TADA2A: variants seen among roughly 807,000 people sequenced by gnomAD.
The protein encoded by TADA2A is transcriptional adapter 2-alpha.
A neutral mutation model predicts 67.4 loss-of-function variants in TADA2A; 38 were observed. That is an observed-to-expected ratio of 0.56 (90% CI 0.44 to 0.74). TADA2A has a LOEUF of 0.74. Ranked by LOEUF, TADA2A falls within the 30% of genes least tolerant of loss-of-function variation. The pLI is 0.00. For missense variants in TADA2A, 454 were observed against 547.0 expected (o/e 0.83, Z 1.70); for synonymous variants, 192 against 181.6 (o/e 1.06, Z -0.46).
In TADA2A at chr17:37,437,696, C is replaced by T. The variant is rs771184228; in HGVS notation, c.193-42C>T. The T allele has an allele frequency of 1.9e-6, 3 of 1,584,260 alleles. No homozygotes were observed. In the Admixed American group the frequency reaches 5.0e-5, roughly 27 times the overall value. On this transcript the variant is annotated intron_variant, in intron 4 of 15. Transcript: ENST00000615182. The stretch of plus-strand genomic sequence containing the variant: ...GCCACCGTGCCTGGCCCCTAGATTC[C>T]ATTTGTATCTCTGTTCTTAAGCAAA...
At chr17:37,439,796 A>G (rs1387499581) in intron 5 of TADA2A, among the ~76,000 whole-genome samples, 2 of 152,108 alleles carry the variant, frequency 1.3e-5, no homozygotes, top group African/African-American at 4.8e-5. Context: ...TAGGCAAAAT[A>G]AAACTATATT....
intron 8 of TADA2A, among the ~76,000 whole-genome samples, chr17:37,458,170 A>G (rs1460945103): frequency 6.6e-6 from 1 of 152,196 alleles, no homozygotes; most frequent in Non-Finnish European, 1.5e-5. Context: ...AAGTGAGAAC[A>G]TGTGGTATTT....
intron 8 of TADA2A, among the ~76,000 whole-genome samples, chr17:37,448,416 A>G (rs2053141014): frequency 6.6e-6 from 1 of 152,190 alleles, no homozygotes; most frequent in South Asian, 2.1e-4. Context: ...AAAAATAAGG[A>G]AGTTCCGTGA....
intron 4 of TADA2A, among the ~76,000 whole-genome samples, chr17:37,437,282 G>A (rs1427743913): frequency 1.3e-5 from 2 of 151,434 alleles, no homozygotes; most frequent in African/African-American, 2.4e-5. Flanking sequence ...TAGTAGAGAC[G>A]GGGTTTCACT....
intron 6 of TADA2A, 113 bp from the exon 7 acceptor site, chr17:37,442,451 A>C: frequency 5.0e-6 from 4 of 801,434 alleles, no homozygotes; most frequent in Non-Finnish European, 7.5e-6. Flanking sequence ...TATCTTTTTC[A>C]CATTTCCTTT....
intron 6 of TADA2A, among the ~76,000 whole-genome samples, chr17:37,441,939 T>G (rs950269432): frequency 6.6e-5 from 10 of 152,192 alleles, no homozygotes; most frequent in Non-Finnish European, 1.5e-4. Flanking sequence ...GTGTTGGGAT[T>G]ACAGGTGTGA....
At chr17:37,411,896 CAT>C (rs1164506472) in intron 2 of TADA2A, among the ~76,000 whole-genome samples, 32 of 151,898 alleles carry the variant, frequency 2.1e-4, no homozygotes, top group Non-Finnish European at 4.1e-4. Flanking sequence ...ATGACACAAA[CAT>C]ATGACCCTGG....
intron 9 of TADA2A, 99 bp from the exon 10 acceptor site, chr17:37,461,979 A>C: frequency 1.0e-6 from 1 of 963,290 alleles, no homozygotes; most frequent in Non-Finnish European, 1.6e-6. Flanking sequence ...ATTGTATTCC[A>C]CCTCAGCATG....
At chr17:37,425,815 A>AT (rs1235489576) in intron 3 of TADA2A, among the ~76,000 whole-genome samples, 1,273 of 126,868 alleles carry the variant, frequency 0.01, 18 homozygotes, top group African/African-American at 0.027. Flanking sequence ...TGTCCAGCTA[A>AT]TTTTTTTTTT....
At chr17:37,444,832 C>T in intron 8 of TADA2A, 64 bp downstream of exon 8, 1 of 1,448,900 alleles carries the variant, frequency 6.9e-7, no homozygotes, top group African/African-American at 1.4e-5. Context: ...GTCTTGGGTG[C>T]TAGGAATTGA....
At chr17:37,437,209 A>G (rs1427985020) in intron 4 of TADA2A, among the ~76,000 whole-genome samples, 2 of 148,674 alleles carry the variant, frequency 1.3e-5, no homozygotes, top group African/African-American at 5.0e-5. Context: ...CTCTTGCCTC[A>G]GCCTCCCAAG....
chr17:37,443,194 C>CT (rs1176347224), intron 7 of TADA2A, among the ~76,000 whole-genome samples: 1 of 151,668 alleles, frequency 6.6e-6, no homozygotes, highest in Non-Finnish European at 1.5e-5. Flanking sequence ...AAACCCACCT[C>CT]TTAAGTTGCA....
chr17:37,452,777 TA>T (rs879688095), intron 8 of TADA2A, among the ~76,000 whole-genome samples: 154 of 141,588 alleles, frequency 1.1e-3, no homozygotes, highest in Middle Eastern at 3.5e-3. Flanking sequence ...TTCTGCTACC[TA>T]AAAAAAAAAA....
chr17:37,435,341 T>C (rs1461927056), intron 4 of TADA2A, among the ~76,000 whole-genome samples: 3 of 152,214 alleles, frequency 2.0e-5, no homozygotes, highest in Non-Finnish European at 4.4e-5. Flanking sequence ...CAGGCTGGAG[T>C]GCAGTGGCGC....
chr17:37,455,774 T>C (rs1461015891), intron 8 of TADA2A, among the ~76,000 whole-genome samples: 1 of 152,188 alleles, frequency 6.6e-6, no homozygotes, highest in East Asian at 1.9e-4. Flanking sequence ...TTTAGACAAT[T>C]TCAGTGTTTT....
chr17:37,423,456 T>G, intron 2 of TADA2A, 53 bp from the exon 3 acceptor site: 1 of 1,395,112 alleles, frequency 7.2e-7, no homozygotes, highest in South Asian at 1.3e-5. Context: ...TTTTTGCACT[T>G]AAGATAACCG....
At chr17:37,433,868 C>T (rs1369303057) in intron 4 of TADA2A, among the ~76,000 whole-genome samples, 1 of 151,376 alleles carries the variant, frequency 6.6e-6, no homozygotes, top group Admixed American at 6.6e-5. Flanking sequence ...GCAGGAGAGT[C>T]GCTTGAACCC....
chr17:37,414,360 T>A (rs2051974927), intron 2 of TADA2A, among the ~76,000 whole-genome samples: 1 of 152,116 alleles, frequency 6.6e-6, no homozygotes, highest in Non-Finnish European at 1.5e-5. Context: ...TCTCATCATT[T>A]TTTTTTTCTT....
chr17:37,445,266 T>A lies in TADA2A; in HGVS notation c.604+498T>A, dbSNP rs934554160. Among the ~76,000 whole-genome samples the A allele has an allele frequency of 7.2e-5, 11 of 152,336 alleles. 1 individual carries two copies. The highest frequency in any genetic ancestry group is 5.9e-4 in the Admixed American group (9 of 15,308). On this transcript the variant is annotated intron_variant, in intron 8 of 15. Coordinates refer to ENST00000615182, the MANE Select transcript of TADA2A (RefSeq NM_001166105.3). The stretch of plus-strand genomic sequence containing the variant: ...TTGAATTTTCAACACTGCTGGATTC[T>A]TTTTTATGTTTGTTTTTGAGACGGA...
Sources: allele counts gnomAD v4.1 joint callset (sites outside exome capture counted in the v4.1 genomes callset), GRCh38; gene constraint gnomAD v4.1.1; transcripts MANE v1.5; gene names NCBI Gene and HGNC (gene_info 2026-07-23, HGNC 2026-07-21).